LPAR1: variants seen among roughly 807,000 people sequenced by gnomAD.
The protein encoded by LPAR1 is LPA receptor 1.
LPAR1 carries 5 observed loss-of-function variants against 23.8 expected under a neutral mutation model. That is an observed-to-expected ratio of 0.21 (90% CI 0.11 to 0.44). The LOEUF is 0.44. LPAR1 is among the 20% of genes least tolerant of loss of function. The probability of loss-of-function intolerance (pLI) is 0.99; values close to 1 mark genes in which losing one functional copy is unlikely to be tolerated. For missense variants in LPAR1, 311 were observed against 482.8 expected, an observed-to-expected ratio of 0.64 and a Z score of 3.33; for synonymous variants, 160 against 164.7, an observed-to-expected ratio of 0.97 and a Z score of 0.22.
At chr9:110,906,896 A>ACTCTCACTTCTTCCTC (rs1447035700) in intron 5 of LPAR1, among the ~76,000 whole-genome samples, 5,679 of 152,260 alleles carry the variant, frequency 0.037, 173 homozygotes, top group Non-Finnish European at 0.047. Flanking sequence ...AGGATGAAGG[A>ACTCTCACTTCTTCCTC]AGTTTCTAAA....
At chr9:111,026,594 T>G (rs76777292) in intron 2 of LPAR1, among the ~76,000 whole-genome samples, 15,034 of 152,238 alleles carry the variant, frequency 0.099, 977 homozygotes, top group African/African-American at 0.2. Flanking sequence ...AGGGCATCCT[T>G]GTTTTGTGCC....
In LPAR1 at chr9:110,943,241, G is replaced by A. The variant is rs952142651; in HGVS notation, c.46-1073C>T. On this transcript the variant is annotated intron_variant, in intron 4 of 5. Coordinates refer to ENST00000683809, the MANE Select transcript of LPAR1 (RefSeq NM_001351411.2). ...TCTTCTTGAAGCTCTAAGTTTACCT[G>A]GGACCCCTAAAATTAAAAAATATAT... Among the ~76,000 whole-genome samples, 57 of 150,808 alleles carry A rather than the reference G, an allele frequency of 3.8e-4. 1 individual carries two copies. Among genetic ancestry groups the A allele is most frequent in the Non-Finnish European group, 8.9e-5 (6 of 67,740 alleles).
At chr9:110,897,171 GCA>G (rs1446436892) in intron 5 of LPAR1, among the ~76,000 whole-genome samples, 3 of 152,076 alleles carry the variant, frequency 2.0e-5, no homozygotes, top group African/African-American at 4.8e-5. Flanking sequence ...ATCTCATCTT[GCA>G]GCTCCCATAA....
intron 4 of LPAR1, among the ~76,000 whole-genome samples, chr9:110,969,676 C>T (rs938870492): frequency 6.6e-6 from 1 of 151,352 alleles, no homozygotes; most frequent in Non-Finnish European, 1.5e-5. Flanking sequence ...CGTGCCACTA[C>T]ACTCCAGCCT....
At chr9:111,030,947 T>A (rs1439850099) in intron 2 of LPAR1, among the ~76,000 whole-genome samples, 1 of 152,040 alleles carries the variant, frequency 6.6e-6, no homozygotes, top group Non-Finnish European at 1.5e-5. Context: ...TATAAACATA[T>A]CCACACTTAT....
At chr9:110,976,893 CTA>C (rs933170272) in intron 2 of LPAR1, among the ~76,000 whole-genome samples, 1 of 152,138 alleles carries the variant, frequency 6.6e-6, no homozygotes, top group African/African-American at 2.4e-5. Flanking sequence ...AATATCCCCC[CTA>C]TGATTCAAAT....
chr9:110,963,007 G>A (rs1405937535), intron 4 of LPAR1, among the ~76,000 whole-genome samples: 5 of 152,142 alleles, frequency 3.3e-5, no homozygotes, highest in Admixed American at 1.3e-4. Flanking sequence ...GACAGCTGGA[G>A]AATCTAGGGG....
chr9:111,005,584 T>C (rs1369411206), intron 2 of LPAR1, among the ~76,000 whole-genome samples: 15 of 110,348 alleles, frequency 1.4e-4, no homozygotes, highest in Non-Finnish European at 2.4e-4. Flanking sequence ...AAAAGAAGAA[T>C]TGGGAAGGAG....
rs115854643 is a variant in LPAR1, at chr9:110,973,273, C to T, written c.-104+208G>A. Reference sequence around the variant, plus strand: ...ACCGTCAAGTGATTAGATAGCACCCCGTCCAACCCCACCTATTTGCAGAAG... The same window carrying T: ...ACCGTCAAGTGATTAGATAGCACCCTGTCCAACCCCACCTATTTGCAGAAG... On this transcript the variant is annotated intron_variant, in intron 3 of 5. Coordinates refer to ENST00000683809, the MANE Select transcript of LPAR1 (RefSeq NM_001351411.2). 3.4e-3 allele frequency among the ~76,000 whole-genome samples: 519 copies of T among 152,220 alleles called. 5 individuals carry two copies. Among genetic ancestry groups the T allele is most frequent in the African/African-American group, 0.012 (479 of 41,520 alleles).
chr9:110,913,658 G>GCCTAATTAAGTATGCC lies in LPAR1; in HGVS notation c.793+27762_793+27763insGGCATACTTAATTAGG, dbSNP rs557353216. On this transcript the variant is annotated intron_variant, in intron 5 of 5. Transcript: ENST00000683809. ...AATTAAGTATGCCCACAAACAAAAA[G>GCCTAATTAAGTATGCC]CACATTCTGAATGGAACAAACCAAG... Among the ~76,000 whole-genome samples the GCCTAATTAAGTATGCC allele has an allele frequency of 1.2e-4, 18 of 152,170 alleles. No homozygotes were observed. The South Asian group carries it at 3.7e-3, about 32-fold the overall frequency.
intron 5 of LPAR1, among the ~76,000 whole-genome samples, chr9:110,876,299 A>G (rs1318115693): frequency 1.3e-5 from 2 of 152,264 alleles, no homozygotes; most frequent in East Asian, 1.9e-4. Context: ...TGTTAAGGAA[A>G]TAATCACTCA....
intron 2 of LPAR1, among the ~76,000 whole-genome samples, chr9:111,016,900 T>TA (rs2097458198): frequency 6.6e-6 from 1 of 152,172 alleles, no homozygotes; most frequent in Non-Finnish European, 1.5e-5. Context: ...TATTGAGCAA[T>TA]ACAGTTTTTT....
intron 2 of LPAR1, among the ~76,000 whole-genome samples, chr9:111,014,927 G>C (rs900195431): frequency 2.0e-5 from 3 of 151,782 alleles, no homozygotes; most frequent in Non-Finnish European, 4.4e-5. Flanking sequence ...CTCAGAATGT[G>C]ACCACATTTG....
At chr9:110,906,950 ATTAACATTT>A (rs879776811) in intron 5 of LPAR1, among the ~76,000 whole-genome samples, 5,678 of 152,290 alleles carry the variant, frequency 0.037, 172 homozygotes, top group Non-Finnish European at 0.046. Flanking sequence ...AGGGATTCAG[ATTAACATTT>A]TAATTCTGTA....
Position 110,972,184 on chromosome 9 carries a change from T to C in LPAR1, c.-67A>G. Reference sequence around the variant, plus strand: ...ACGGGAGACAAATTTTCTTGTTTGCTGATCAGATCGAAGTCATGCTAGGAG... The same window carrying C: ...ACGGGAGACAAATTTTCTTGTTTGCCGATCAGATCGAAGTCATGCTAGGAG... On this transcript the variant is annotated 5_prime_UTR_variant, in exon 4 of 6. Coordinates refer to ENST00000683809, the MANE Select transcript of LPAR1 (RefSeq NM_001351411.2). 1 of 1,437,122 alleles carries C rather than the reference T, an allele frequency of 7.0e-7. No homozygotes were observed. The highest frequency in any genetic ancestry group is 9.8e-7 in the Non-Finnish European group (1 of 1,019,024). 89.0% of individuals were successfully genotyped at this position (1,437,122 alleles called of 1,614,324 possible).
In LPAR1 at chr9:110,948,952, G is replaced by A. The variant is rs1055398329; in HGVS notation, c.46-6784C>T. Reference sequence around the variant, plus strand: ...AAGATATCCCTACTTGCACTGGGAAGAACAAGGAAGTTTTGTCAAGCTCAG... The same window carrying A: ...AAGATATCCCTACTTGCACTGGGAAAAACAAGGAAGTTTTGTCAAGCTCAG... On this transcript the variant is annotated intron_variant, in intron 4 of 5. Transcript: ENST00000683809. Among the ~76,000 whole-genome samples, 4 of 151,282 alleles carry A rather than the reference G, an allele frequency of 2.6e-5. No individual in the cohort carries two copies. The East Asian group carries it at 7.7e-4, about 29-fold the overall frequency.
chr9:110,971,964 C>T (rs945768888), intron 4 of LPAR1, 109 bp downstream of exon 4: 1 of 913,386 alleles, frequency 1.1e-6, no homozygotes, highest in East Asian at 2.4e-5. Flanking sequence ...CAAATGATAG[C>T]GAGAGAGATA....
At chr9:110,998,784 G>A (rs1436860045) in intron 2 of LPAR1, among the ~76,000 whole-genome samples, 3 of 152,182 alleles carry the variant, frequency 2.0e-5, no homozygotes, top group Non-Finnish European at 4.4e-5. Context: ...TAGGTCTGAG[G>A]ATTCTTAAAT....
At chr9:111,027,789 A>C (rs1403608203) in intron 2 of LPAR1, among the ~76,000 whole-genome samples, 1 of 150,300 alleles carries the variant, frequency 6.7e-6, no homozygotes, top group African/African-American at 2.5e-5. Flanking sequence ...ACCACAGTCC[A>C]CTGTGTGGAT....
Sources: allele counts gnomAD v4.1 joint callset (sites outside exome capture counted in the v4.1 genomes callset), GRCh38; gene constraint gnomAD v4.1.1; transcripts MANE v1.5; gene names NCBI Gene and HGNC (gene_info 2026-07-23, HGNC 2026-07-21).